Variants in KLRG2 observed in about 807,000 individuals in gnomAD.
KLRG2 encodes the protein killer cell lectin-like receptor subfamily G member 2.
In KLRG2, 39 loss-of-function variants were observed where a neutral mutation model predicts 35.4. The observed-to-expected ratio is 1.10, with a 90% CI of 0.85 to 1.44. The LOEUF (loss-of-function observed/expected upper bound fraction) is 1.44, where lower values mean the gene tolerates loss of function less well. Among genes scored for constraint, KLRG2 ranks in the 40% most tolerant of loss-of-function variants. The pLI is 0.00. For missense variants in KLRG2, 632 were observed against 570.9 expected (o/e 1.11, Z -1.09); for synonymous variants, 283 against 265.8 (o/e 1.06, Z -0.63).
the KLRG2 span, among the ~76,000 whole-genome samples, chr7:139,429,857 A>G: frequency 6.6e-6 from 1 of 151,992 alleles, no homozygotes; most frequent in African/African-American, 2.4e-5. Flanking sequence ...TGCCATTGTC[A>G]TCATGGCCCG....
chr7:139,456,818 T>A (rs1423121507), intron 3 of KLRG2, among the ~76,000 whole-genome samples: 1 of 152,174 alleles, frequency 6.6e-6, no homozygotes, highest in African/African-American at 2.4e-5. Flanking sequence ...CTTGTCACTT[T>A]CCTGTATTAG....
At chr7:139,476,460 G>A in intron 3 of KLRG2, among the ~76,000 whole-genome samples, 1 of 149,530 alleles carries the variant, frequency 6.7e-6, no homozygotes, top group Non-Finnish European at 1.5e-5. Context: ...TTTTTTCCTT[G>A]AGACAGAGTC....
At chr7:139,474,614 A>G (rs1796817244) in intron 3 of KLRG2, among the ~76,000 whole-genome samples, 1 of 151,926 alleles carries the variant, frequency 6.6e-6, no homozygotes, top group South Asian at 2.1e-4. Context: ...CAAAAAAATT[A>G]GCTGGGCATG....
the KLRG2 span, among the ~76,000 whole-genome samples, chr7:139,443,534 G>T: frequency 6.6e-6 from 1 of 152,106 alleles, no homozygotes; most frequent in Non-Finnish European, 1.5e-5. Context: ...AGAACTAGAT[G>T]TTTAGAGGAT....
At chr7:139,449,916 T>C (rs1468686903), downstream of KLRG2, among the ~76,000 whole-genome samples, 2 of 151,636 alleles carry the variant, frequency 1.3e-5, no homozygotes, top group Non-Finnish European at 2.9e-5. Flanking sequence ...TTAGCCAGGA[T>C]GGTCTCGATC....
At chr7:139,437,776 A>G in the KLRG2 span, among the ~76,000 whole-genome samples, 1 of 152,078 alleles carries the variant, frequency 6.6e-6, no homozygotes, top group South Asian at 2.1e-4. Flanking sequence ...TCATTTTTCT[A>G]CGAGTTATTA....
At chr7:139,472,295 C>A (rs528320041) in intron 3 of KLRG2, among the ~76,000 whole-genome samples, 2,024 of 152,090 alleles carry the variant, frequency 0.013, 38 homozygotes, top group African/African-American at 0.046. Context: ...AACAAACAAA[C>A]AAACCGCCAC....
downstream of KLRG2, among the ~76,000 whole-genome samples, chr7:139,449,019 T>C (rs1483041710): frequency 1.3e-5 from 2 of 151,334 alleles, no homozygotes; most frequent in East Asian, 1.9e-4. Context: ...AGGCAGAGAA[T>C]TGCTTGAACC....
Position 139,476,983 on chromosome 7 carries a change from C to T in KLRG2, c.1005+2644G>A, listed in dbSNP as rs188388003. ...CTATTCTGGCTCATTATTGAATCCC[C>T]CTTGCCAAACACGGAGTAAGTGCTT... On this transcript the variant is annotated intron_variant, in intron 3 of 4. Coordinates refer to ENST00000340940, the MANE Select transcript of KLRG2 (RefSeq NM_198508.4). Among the ~76,000 whole-genome samples the T allele has an allele frequency of 1.6e-3, 237 of 152,234 alleles. 2 individuals are homozygous for T. Among genetic ancestry groups the T allele is most frequent in the Non-Finnish European group, 2.3e-3 (159 of 68,030 alleles).
the KLRG2 span, among the ~76,000 whole-genome samples, chr7:139,435,317 C>G: frequency 6.6e-6 from 1 of 152,068 alleles, no homozygotes; most frequent in Non-Finnish European, 1.5e-5. Context: ...TGGTGAAGCC[C>G]CATCTCTACC....
At chr7:139,480,012 C>T (rs1037848149) in intron 2 of KLRG2, 134 bp downstream of exon 2, 5 of 745,544 alleles carry the variant, frequency 6.7e-6, no homozygotes, top group Non-Finnish European at 1.1e-5. Context: ...CTTAACTTTG[C>T]TCATCAAGCA....
At chr7:139,453,770 C>A in intron 4 of KLRG2, 63 bp from the exon 5 acceptor site, 1 of 1,594,382 alleles carries the variant, frequency 6.3e-7, no homozygotes, top group Non-Finnish European at 8.6e-7. Context: ...TGCTTCCCAG[C>A]CAGACCCTCC....
At chr7:139,429,699 C>T in the KLRG2 span, among the ~76,000 whole-genome samples, 1 of 152,186 alleles carries the variant, frequency 6.6e-6, no homozygotes, top group Non-Finnish European at 1.5e-5. Flanking sequence ...GGTAAGGTCA[C>T]AGATCAACAG....
chr7:139,438,465 C>A, the KLRG2 span, among the ~76,000 whole-genome samples: 1 of 152,106 alleles, frequency 6.6e-6, no homozygotes, highest in Non-Finnish European at 1.5e-5. Flanking sequence ...GATCCTCCTG[C>A]CTTAGCCTCC....
At chr7:139,427,744 A>G in the KLRG2 span, among the ~76,000 whole-genome samples, 3 of 152,142 alleles carry the variant, frequency 2.0e-5, no homozygotes, top group Admixed American at 1.3e-4. Flanking sequence ...AACCTCTCGC[A>G]ACCTTTTTCT....
At chr7:139,456,637 C>A (rs1796481026) in intron 3 of KLRG2, among the ~76,000 whole-genome samples, 2 of 152,164 alleles carry the variant, frequency 1.3e-5, no homozygotes, top group South Asian at 4.1e-4. Flanking sequence ...CAGGTATAAG[C>A]CACTGCACCC....
At chr7:139,461,191 G>A (rs1256199957) in intron 3 of KLRG2, among the ~76,000 whole-genome samples, 1 of 150,852 alleles carries the variant, frequency 6.6e-6, no homozygotes, top group African/African-American at 2.4e-5. Flanking sequence ...AGGCTGCAGT[G>A]AGCTGAGATC....
rs1365372488 is a variant in KLRG2 at position 139,470,289 on chromosome 7, A to G, written c.1005+9338T>C. 2.6e-5 allele frequency among the ~76,000 whole-genome samples: 4 copies of G among 151,780 alleles called. No individual in the cohort carries two copies. In the East Asian group the frequency reaches 5.9e-4, roughly 22 times the overall value. On this transcript the variant is annotated intron_variant, in intron 3 of 4. Transcript: ENST00000340940. ...TGGCCAGGATGGTCTCGATCTCCTG[A>G]CCTCGTGATCTGCCCGCCTCAGCCT... is the stretch of plus-strand genomic sequence containing the variant.
chr7:139,433,768 C>T, the KLRG2 span, among the ~76,000 whole-genome samples: 41,672 of 151,462 alleles, frequency 0.28, 6,280 homozygotes, highest in Middle Eastern at 0.4. Flanking sequence ...CCTGAATAGC[C>T]GGGATTACAG....
Sources: gnomAD v4.1 joint callset for allele counts (sites outside exome capture counted in the v4.1 genomes callset) on GRCh38, gnomAD v4.1.1 for gene constraint, MANE v1.5 for transcripts, NCBI Gene and HGNC (gene_info 2026-07-23, HGNC 2026-07-21) for gene names.